Variants in NRXN1 observed in about 807,000 individuals in gnomAD.
NRXN1 encodes neurexin-1.
In NRXN1, 39 loss-of-function variants were observed where a neutral mutation model predicts 150.9. The ratio of observed to expected loss-of-function variants is 0.26; its 90% confidence interval spans 0.20 to 0.34. The LOEUF (loss-of-function observed/expected upper bound fraction) is 0.34. NRXN1 is among the 10% of genes least tolerant of loss of function. The pLI is 1.00. For missense variants in NRXN1, 1,815 were observed against 1,949.9 expected (o/e 0.93, Z 1.30); for synonymous variants, 924 against 757.0 (o/e 1.22, Z -3.62).
intron 3 of NRXN1, among the ~76,000 whole-genome samples, chr2:50,924,717 G>T (rs1178996099): frequency 6.6e-6 from 1 of 151,638 alleles, no homozygotes; most frequent in Non-Finnish European, 1.5e-5. Context: ...AGTAATTTAT[G>T]ATTTCTTTTA....
chr2:50,664,654 A>G (rs998688296), intron 5 of NRXN1, among the ~76,000 whole-genome samples: 31 of 151,874 alleles, frequency 2.0e-4, no homozygotes, highest in African/African-American at 7.0e-4. Context: ...TAGAAAAGCT[A>G]GCTAGCTCAT....
chr2:50,836,957 A>G (rs1037179284), intron 5 of NRXN1, among the ~76,000 whole-genome samples: 3 of 151,954 alleles, frequency 2.0e-5, no homozygotes, highest in African/African-American at 7.2e-5. Context: ...ACTTAGAACA[A>G]TATTTTAAAA....
intron 1 of NRXN1, among the ~76,000 whole-genome samples, chr2:51,030,677 G>T (rs980497197): frequency 6.6e-6 from 1 of 152,072 alleles, no homozygotes; most frequent in African/African-American, 2.4e-5. Context: ...GCAATCACCA[G>T]TCATATCTTG....
chr2:50,428,407 C>G (rs1280375428), intron 17 of NRXN1, among the ~76,000 whole-genome samples: 2 of 152,066 alleles, frequency 1.3e-5, no homozygotes, highest in African/African-American at 4.8e-5. Flanking sequence ...AGAGCGAAAC[C>G]CTGTCTCACA....
intron 18 of NRXN1, among the ~76,000 whole-genome samples, chr2:50,097,249 A>G (rs1371593963): frequency 6.6e-6 from 1 of 152,194 alleles, no homozygotes; most frequent in Non-Finnish European, 1.5e-5. Context: ...GCAACTCAGG[A>G]GGGCATGTAG....
At chr2:50,584,138 G>A (rs1447837412) in intron 8 of NRXN1, among the ~76,000 whole-genome samples, 2 of 152,172 alleles carry the variant, frequency 1.3e-5, no homozygotes, top group African/African-American at 4.8e-5. Flanking sequence ...GAAGGAGAGT[G>A]AAGAGGTTAT....
intron 5 of NRXN1, among the ~76,000 whole-genome samples, chr2:50,759,276 T>C (rs1232739356): frequency 3.3e-5 from 5 of 151,918 alleles, no homozygotes; most frequent in African/African-American, 1.2e-4. Context: ...CACAGTGCAC[T>C]GGGTACAAAA....
rs150967092 is a variant in NRXN1, at chr2:50,631,488, A to T, written c.833-7873T>A. The T allele has an allele frequency of 3.1e-3, 487 of 156,688 alleles. 3 individuals carry two copies. The highest frequency in any genetic ancestry group is 5.3e-3 in the Non-Finnish European group (373 of 71,032). 9.7% of individuals were successfully genotyped at this position (156,688 alleles called of 1,614,324 possible). A position where few individuals can be genotyped will look rare whatever the true frequency, so the allele number is the denominator to read the frequency against. On this transcript the variant is annotated intron_variant, in intron 5 of 22. Coordinates refer to ENST00000401669, the MANE Select transcript of NRXN1 (RefSeq NM_001330078.2). ...ATGGTCACATAACTAACTGAGGAAAAGTCAGAATATAATCCTTGCCCTCTT... is the reference window on the plus strand; with the variant it reads ...ATGGTCACATAACTAACTGAGGAAATGTCAGAATATAATCCTTGCCCTCTT...
At chr2:50,753,047 T>C (rs1358619719) in intron 5 of NRXN1, among the ~76,000 whole-genome samples, 1 of 151,976 alleles carries the variant, frequency 6.6e-6, no homozygotes, top group Non-Finnish European at 1.5e-5. Context: ...TTACATTTCA[T>C]CTGAGGAAAA....
intron 18 of NRXN1, among the ~76,000 whole-genome samples, chr2:50,094,323 T>C (rs939400779): frequency 6.6e-6 from 1 of 152,140 alleles, no homozygotes; most frequent in Non-Finnish European, 1.5e-5. Context: ...TCCATCAAAA[T>C]GCAGAAAAAG....
chr2:50,235,502 C>T (rs766948101), intron 18 of NRXN1, among the ~76,000 whole-genome samples: 3 of 151,932 alleles, frequency 2.0e-5, no homozygotes, highest in Non-Finnish European at 2.9e-5. Context: ...TCCTACACAG[C>T]TTATTGGAAA....
chr2:50,906,112 C>T (rs1683635010), intron 5 of NRXN1, among the ~76,000 whole-genome samples: 1 of 152,096 alleles, frequency 6.6e-6, no homozygotes, highest in Non-Finnish European at 1.5e-5. Context: ...AAGGTTATCC[C>T]TACTGGCACT....
chr2:50,309,487 C>T (rs926919135), intron 17 of NRXN1, among the ~76,000 whole-genome samples: 4 of 152,096 alleles, frequency 2.6e-5, no homozygotes, highest in South Asian at 2.1e-4. Flanking sequence ...ACCCTAATGC[C>T]GTTTGTGAGG....
intron 18 of NRXN1, among the ~76,000 whole-genome samples, chr2:50,200,001 A>C (rs1358908268): frequency 1.3e-5 from 2 of 152,196 alleles, no homozygotes; most frequent in Admixed American, 1.3e-4. Context: ...ATGAGAGATT[A>C]GATGACAGAG....
intron 5 of NRXN1, among the ~76,000 whole-genome samples, chr2:50,698,527 G>C (rs558850488): frequency 2.6e-5 from 4 of 152,106 alleles, no homozygotes. Context: ...GCAATGTGGT[G>C]GCTATTTTAA....
chr2:50,802,310 G>A (rs1303863626), intron 5 of NRXN1, among the ~76,000 whole-genome samples: 7 of 152,046 alleles, frequency 4.6e-5, no homozygotes, highest in African/African-American at 1.7e-4. Context: ...TAGCAAATAC[G>A]GTGAAACCAC....
At chr2:50,911,571 C>T (rs982956179) in intron 5 of NRXN1, among the ~76,000 whole-genome samples, 2 of 151,818 alleles carry the variant, frequency 1.3e-5, no homozygotes, top group African/African-American at 4.8e-5. Context: ...TCTTTCTCCA[C>T]AATTTCCAGA....
intron 5 of NRXN1, among the ~76,000 whole-genome samples, chr2:50,674,871 T>A (rs1417916869): frequency 6.6e-6 from 1 of 152,032 alleles, no homozygotes; most frequent in Non-Finnish European, 1.5e-5. Flanking sequence ...TAAATGAAAA[T>A]AGCCCAGTGA....
chr2:50,410,525 A>G (rs373991368), intron 17 of NRXN1, among the ~76,000 whole-genome samples: 2 of 152,344 alleles, frequency 1.3e-5, no homozygotes, highest in South Asian at 4.1e-4. Flanking sequence ...GCAAAGAACT[A>G]TTCACACACT....
Sources: allele counts gnomAD v4.1 joint callset (sites outside exome capture counted in the v4.1 genomes callset), GRCh38; gene constraint gnomAD v4.1.1; transcripts MANE v1.5; gene names NCBI Gene and HGNC (gene_info 2026-07-23, HGNC 2026-07-21).